The following PCDHGB1 variants were observed in gnomAD, a reference collection of about 807,000 sequenced individuals.
The protein encoded by PCDHGB1 is protocadherin gamma subfamily B, 1.
Under a neutral mutation model 56.6 loss-of-function variants are expected in PCDHGB1, and 34 were observed. The observed-to-expected ratio is 0.60, with a 90% CI of 0.46 to 0.80. PCDHGB1 has a LOEUF of 0.80. Among genes scored for constraint, PCDHGB1 ranks in the 30% least tolerant of loss-of-function variants. The pLI, the probability that PCDHGB1 is intolerant of heterozygous loss-of-function variation, is 0.00. For missense variants in PCDHGB1, 1,278 were observed against 1,204.6 expected, an observed-to-expected ratio of 1.06 and a Z score of -0.90; for synonymous variants, 561 against 505.9, an observed-to-expected ratio of 1.11 and a Z score of -1.46.
At chr5:141,488,198 G>C (rs1007623840) in intron 1 of PCDHGB1, among the ~76,000 whole-genome samples, 1 of 152,166 alleles carries the variant, frequency 6.6e-6, no homozygotes, top group Non-Finnish European at 1.5e-5. Flanking sequence ...CTGGGTCTTA[G>C]GACTCATATC....
chr5:141,457,159 T>C (rs908257499), intron 1 of PCDHGB1, among the ~76,000 whole-genome samples: 5 of 152,212 alleles, frequency 3.3e-5, no homozygotes, highest in Non-Finnish European at 7.3e-5. Flanking sequence ...GGTGCTACCA[T>C]GGATAACCCT....
Position 141,487,810 on chromosome 5 carries a change from C to T in PCDHGB1, c.2410-6997C>T. 7.1e-7 allele frequency: 1 copy of T among 1,417,854 alleles called. No homozygotes were observed. 87.8% of individuals were successfully genotyped at this position (1,417,854 alleles called of 1,614,324 possible). ...ATTAACCAGAGTTGTCACAGTTTAG[C>T]ATTGGGGGCGGGTCATGCCTATATC... is the stretch of plus-strand genomic sequence containing the variant. On this transcript the variant is annotated intron_variant, in intron 1 of 3. Coordinates refer to ENST00000523390, the MANE Select transcript of PCDHGB1 (RefSeq NM_018922.3). This position sits in a 1 kb window ranked among gnomAD's most constrained non-coding sequence, Gnocchi z 5.0.
chr5:141,449,837 TAATTA>T (rs1054425190), intron 1 of PCDHGB1, among the ~76,000 whole-genome samples: 11 of 151,856 alleles, frequency 7.2e-5, no homozygotes, highest in Middle Eastern at 3.4e-3. Context: ...TTCTTTTATA[TAATTA>T]AATTTTAATA....
At chr5:141,371,426 C>T (rs1210982594) in intron 1 of PCDHGB1, 34 of 1,613,774 alleles carry the variant, frequency 2.1e-5, no homozygotes, top group Non-Finnish European at 2.7e-5. Flanking sequence ...ATGACAATGC[C>T]CCGGAGATAA....
chr5:141,473,647 C>T (rs2099326149), intron 1 of PCDHGB1, among the ~76,000 whole-genome samples: 1 of 152,172 alleles, frequency 6.6e-6, no homozygotes, highest in Non-Finnish European at 1.5e-5. Flanking sequence ...GGCAAAGGAA[C>T]AATTTGTGTG....
Position 141,351,909 on chromosome 5 carries a change from A to T in PCDHGB1, c.1649A>T (p.Asp550Val). 1 of 1,613,304 alleles carries T rather than the reference A, an allele frequency of 6.2e-7. No individual in the cohort carries two copies. The highest frequency in any genetic ancestry group is 8.5e-7 in the Non-Finnish European group (1 of 1,179,736). ...GTGAGCCTGCGCGTGTTGGTGGGCG[A>T]CCTCAATGACAATGCGCCACGGGTG... ...ANVSLRVLVG[D>V]LNDNAPRVLY... is the part of the protein sequence containing the mutation. Residue 550 changes from aspartate to valine, a missense_variant, in exon 1 of 4, where the codon GAC (aspartate) becomes GTC (valine). Asp to Val is a radical substitution (Grantham distance 152). Coordinates refer to ENST00000523390, the MANE Select transcript of PCDHGB1 (RefSeq NM_018922.3).
chr5:141,487,670 T>A lies in PCDHGB1; in HGVS notation c.2410-7137T>A. The A allele has an allele frequency of 6.2e-7, 1 of 1,612,302 alleles. No homozygotes were observed. Among genetic ancestry groups the A allele is most frequent in the Non-Finnish European group, 8.5e-7 (1 of 1,179,082 alleles). ...TGAGGGTTATTCTGATCCAGGCATA[T>A]GGCTAGGCCATGTCCTAGAGAGTAC... On this transcript the variant is annotated intron_variant, in intron 1 of 3. Transcript: ENST00000523390. This position sits in a 1 kb window ranked among gnomAD's most constrained non-coding sequence, Gnocchi z 5.0.
chr5:141,354,116 A>G (rs1355865082), intron 1 of PCDHGB1, among the ~76,000 whole-genome samples: 1 of 152,258 alleles, frequency 6.6e-6, no homozygotes, highest in Non-Finnish European at 1.5e-5. Flanking sequence ...GAGCTAAAGT[A>G]AAGTTAGAAA....
chr5:141,473,262 G>T (rs905961411), intron 1 of PCDHGB1, among the ~76,000 whole-genome samples: 2 of 152,188 alleles, frequency 1.3e-5, no homozygotes, highest in Admixed American at 6.5e-5. Flanking sequence ...AGTCCTTAGT[G>T]TATGCTATGA....
chr5:141,425,015 A>G (rs1285592254), intron 1 of PCDHGB1, among the ~76,000 whole-genome samples: 2 of 152,190 alleles, frequency 1.3e-5, no homozygotes, highest in East Asian at 3.8e-4. Context: ...TCATTTAGGA[A>G]TTTACCTTAT....
chr5:141,414,624 G>A (rs764233527), intron 1 of PCDHGB1: 5 of 1,613,814 alleles, frequency 3.1e-6, no homozygotes, highest in African/African-American at 2.7e-5. Flanking sequence ...CGCTGGACCC[G>A]GACAGCAAAG....
At chr5:141,410,886 C>A in intron 1 of PCDHGB1, 1 of 290,056 alleles carries the variant, frequency 3.4e-6, no homozygotes, top group Non-Finnish European at 5.6e-6. Flanking sequence ...TGGAGTCTCG[C>A]ACTGTTGCCT....
intron 1 of PCDHGB1, among the ~76,000 whole-genome samples, chr5:141,402,461 C>T (rs892900332): frequency 6.6e-6 from 1 of 151,994 alleles, no homozygotes; most frequent in Non-Finnish European, 1.5e-5. Context: ...GTTTACATAT[C>T]TAGAAATAGA....
chr5:141,389,156 T>TC, intron 1 of PCDHGB1: 1 of 1,613,950 alleles, frequency 6.2e-7, no homozygotes, highest in Non-Finnish European at 8.5e-7. Context: ...CGGCAACAGA[T>TC]CGGGGCAAGC....
At position 141,375,804 on chromosome 5, in the gene PCDHGB1, G is replaced by A. The variant is rs375695435; in HGVS notation, c.2409+23135G>A. 1,032 of 1,614,192 alleles carry A rather than the reference G, an allele frequency of 6.4e-4. 20 individuals carry two copies. In the South Asian group the frequency reaches 0.011, roughly 17 times the overall value. ...GCCCTCCCCACAGACGGTTCCACTG[G>A]CGTGGAGCTGGCGCCCCGCTCCGCA... On this transcript the variant is annotated intron_variant, in intron 1 of 3. Coordinates refer to ENST00000523390, the MANE Select transcript of PCDHGB1 (RefSeq NM_018922.3).
At chr5:141,366,341 A>G in intron 1 of PCDHGB1, 1 of 1,613,914 alleles carries the variant, frequency 6.2e-7, no homozygotes, top group South Asian at 1.1e-5. Flanking sequence ...GATCCCTGAC[A>G]TCCTGGCTGA....
chr5:141,368,012 T>C (rs1301562712), intron 1 of PCDHGB1, among the ~76,000 whole-genome samples: 2 of 152,238 alleles, frequency 1.3e-5, no homozygotes, highest in Admixed American at 1.3e-4. Flanking sequence ...AATACTGGCC[T>C]ATGTGCCTCA....
chr5:141,372,294 G>A (rs536487253), intron 1 of PCDHGB1: 2 of 1,613,280 alleles, frequency 1.2e-6, no homozygotes, highest in Non-Finnish European at 1.7e-6. Flanking sequence ...TACCTTGGGC[G>A]ACAGGGAGGC....
intron 1 of PCDHGB1, among the ~76,000 whole-genome samples, chr5:141,353,042 T>A (rs1759172373): frequency 6.6e-6 from 1 of 152,182 alleles, no homozygotes; most frequent in Non-Finnish European, 1.5e-5. Flanking sequence ...GGTGTATAAG[T>A]AATTTTGATT....
Sources: allele counts gnomAD v4.1 joint callset (sites outside exome capture counted in the v4.1 genomes callset), GRCh38; gene constraint gnomAD v4.1.1; non-coding constraint Gnocchi (gnomAD v3.1); transcripts MANE v1.5; gene names NCBI Gene and HGNC (gene_info 2026-07-23, HGNC 2026-07-21).